MAST2: variants seen among roughly 807,000 people sequenced by gnomAD.
The protein encoded by MAST2 is microtubule associated serine/threonine kinase 2, also known as microtubule-associated serine/threonine-protein kinase 2.
MAST2 carries 70 observed loss-of-function variants against 147.4 expected under a neutral mutation model. That is an observed-to-expected ratio of 0.47 (90% confidence interval 0.39 to 0.58). The LOEUF is 0.58. Among genes scored for constraint, MAST2 ranks in the 20% least tolerant of loss-of-function variants. The pLI is 0.00. For missense variants in MAST2, 2,080 were observed against 2,302.3 expected (o/e 0.90, Z 1.98); for synonymous variants, 869 against 896.8 (o/e 0.97, Z 0.55).
intron 3 of MAST2, among the ~76,000 whole-genome samples, chr1:45,875,075 T>A (rs1193819179): frequency 3.3e-5 from 5 of 152,210 alleles, no homozygotes; most frequent in African/African-American, 9.6e-5. Flanking sequence ...CAGAGCCAAG[T>A]AGTGCCCTGT....
Position 46,035,926 on chromosome 1 carries a change from A to G in MAST2, c.5257A>G (p.Arg1753Gly), listed in dbSNP as rs748226151. Residue 1753 changes from arginine (R) to glycine (G), a missense_variant, in exon 29 of 29, where the codon AGA becomes GGA. Arg to Gly is a moderately radical substitution (Grantham distance 125). Transcript: ENST00000361297. This position sits in a 1 kb window ranked among gnomAD's most constrained non-coding sequence, Gnocchi z 5.5. ...CCAAGTGCCTGATGCCTCAGGTGACAGAAGGCAGGACGTTCCATGCCGAGG... is the reference window on the plus strand; with the variant it reads ...CCAAGTGCCTGATGCCTCAGGTGACGGAAGGCAGGACGTTCCATGCCGAGG... ...ITQVPDASGD[R>G]RQDVPCRGCP... The G allele has an allele frequency of 9.9e-6, 16 of 1,613,986 alleles. No individual in the cohort carries two copies. Among genetic ancestry groups the G allele is most frequent in the East Asian group, 8.9e-5 (4 of 44,892 alleles).
At chr1:45,928,746 AT>A (rs1654806788) in intron 4 of MAST2, among the ~76,000 whole-genome samples, 1 of 151,168 alleles carries the variant, frequency 6.6e-6, no homozygotes, top group South Asian at 2.1e-4. Context: ...AGCCTGGCTA[AT>A]TTTTTCTATT....
rs552704988 is a variant in MAST2 at position 46,002,261 on chromosome 1, C to T, written c.669-544C>T. Among the ~76,000 whole-genome samples the T allele has an allele frequency of 3.9e-5, 6 of 152,308 alleles. No homozygotes were observed. The South Asian group carries it at 1.2e-3, about 32-fold the overall frequency. On this transcript the variant is annotated intron_variant, in intron 6 of 28. Coordinates refer to ENST00000361297, the MANE Select transcript of MAST2 (RefSeq NM_015112.3). ...AAAGTTACTGTCACTCTTCGACAGACATTCCCAAATATTGGTTTTATGAGT... is the reference window on the plus strand; with the variant it reads ...AAAGTTACTGTCACTCTTCGACAGATATTCCCAAATATTGGTTTTATGAGT...
At chr1:46,024,850 T>C (rs556119618) in intron 15 of MAST2, among the ~76,000 whole-genome samples, 95 of 152,356 alleles carry the variant, frequency 6.2e-4, no homozygotes, top group Middle Eastern at 6.8e-3. Context: ...CTGTGTATTT[T>C]CATGCTGCTA....
intron 3 of MAST2, among the ~76,000 whole-genome samples, chr1:45,853,372 T>C (rs1384943907): frequency 1.3e-5 from 2 of 152,172 alleles, no homozygotes; most frequent in African/African-American, 4.8e-5. Flanking sequence ...TTATTGTTTT[T>C]TTTTGAGTCA....
chr1:45,915,296 A>G (rs1325797887), intron 4 of MAST2, among the ~76,000 whole-genome samples: 1 of 152,020 alleles, frequency 6.6e-6, no homozygotes, highest in Admixed American at 6.6e-5. Flanking sequence ...TTAGAAAAAT[A>G]CCCCCTGAGG....
At chr1:45,828,579 G>A (rs893812146) in intron 2 of MAST2, among the ~76,000 whole-genome samples, 1 of 152,234 alleles carries the variant, frequency 6.6e-6, no homozygotes, top group African/African-American at 2.4e-5. Context: ...AAGCAAAAGT[G>A]TGAAGAATGG....
intron 1 of MAST2, 113 bp downstream of exon 1, chr1:45,804,185 G>A: frequency 2.5e-6 from 3 of 1,213,530 alleles, no homozygotes; most frequent in African/African-American, 1.6e-5. Flanking sequence ...TGAGTAGTTC[G>A]CGGGGAGGAG....
At chr1:45,980,659 C>T (rs1037257299) in intron 5 of MAST2, among the ~76,000 whole-genome samples, 4 of 151,830 alleles carry the variant, frequency 2.6e-5, no homozygotes, top group African/African-American at 9.7e-5. Context: ...CTCAGCCTCC[C>T]GATTATCTGT....
Position 46,035,395 on chromosome 1 carries a change from C to T in MAST2, c.4726C>T (p.Pro1576Ser), listed in dbSNP as rs747005667. 6.2e-7 allele frequency: 1 copy of T among 1,612,374 alleles called. No individual in the cohort carries two copies. The highest frequency in any genetic ancestry group is 8.5e-7 in the Non-Finnish European group (1 of 1,179,402). Residue 1576 changes from proline (P) to serine (S), a missense_variant, in exon 29 of 29, where the codon CCC becomes TCC. Physicochemically the swap from Pro to Ser is moderately conservative, Grantham distance 74. This residue lies in a region of MAST2 where 1,278 missense variants were observed against 1,304.2 expected (regional missense o/e 0.98). Coordinates refer to ENST00000361297, the MANE Select transcript of MAST2 (RefSeq NM_015112.3). The surrounding 1 kb of genome is among the most constrained non-coding windows in gnomAD (Gnocchi z 5.5). Reference sequence around the variant, plus strand: ...ACTGGGGCCTCCCAGAATGGAAAGTCCCAGTGGTCCCCACAGGAGGCTCGG... The same window carrying T: ...ACTGGGGCCTCCCAGAATGGAAAGTTCCAGTGGTCCCCACAGGAGGCTCGG... ...ITLGPPRMES[P>S]SGPHRRLGSP...
rs71587722 is a variant in MAST2 at position 45,888,663 on chromosome 1, C to CTTTTTTTTTTTTTTTTTTTTT, written c.500+6284_500+6304dup. The stretch of plus-strand genomic sequence containing the variant: ...AGGCGTGAGCCACCGCGCGCGGCCT[C>CTTTTTTTTTTTTTTTTTTTTT]TTTTTTTTTTTTTTTTTTTTTTTTT... On this transcript the variant is annotated intron_variant, in intron 4 of 28. Transcript: ENST00000361297. Among the ~76,000 whole-genome samples, 18 of 48,722 alleles carry CTTTTTTTTTTTTTTTTTTTTT rather than the reference C, an allele frequency of 3.7e-4. 1 individual carries two copies. Among genetic ancestry groups the CTTTTTTTTTTTTTTTTTTTTT allele is most frequent in the East Asian group, 5.9e-4 (1 of 1,708 alleles). The allele number at this position is 48,722 out of a possible 152,430, so 32.0% of individuals were successfully genotyped here.
chr1:45,931,943 G>A (rs1026654776), intron 4 of MAST2, among the ~76,000 whole-genome samples: 5 of 151,992 alleles, frequency 3.3e-5, no homozygotes, highest in South Asian at 2.1e-4. Context: ...CTCCTGCCTC[G>A]GCCTCCCAAA....
chr1:45,946,552 C>G (rs989803160), intron 4 of MAST2, among the ~76,000 whole-genome samples: 2 of 152,102 alleles, frequency 1.3e-5, no homozygotes, highest in Non-Finnish European at 2.9e-5. Context: ...GTATTTGTTT[C>G]TTTTCCCTGT....
chr1:45,929,354 C>T (rs961852006), intron 4 of MAST2, among the ~76,000 whole-genome samples: 1 of 152,128 alleles, frequency 6.6e-6, no homozygotes, highest in African/African-American at 2.4e-5. Context: ...ATTACTGCTT[C>T]GTTGTGAAGA....
chr1:46,035,350 A>G lies in MAST2; in HGVS notation c.4681A>G (p.Ser1561Gly). The change falls in exon 29 of 29, where the codon AGC becomes GGC. Residue 1561 changes from serine (S) to glycine (G), a missense_variant. This residue lies in a region of MAST2 where 1,278 missense variants were observed against 1,304.2 expected (regional missense o/e 0.98). Transcript: ENST00000361297. The surrounding 1 kb of genome is among the most constrained non-coding windows in gnomAD (Gnocchi z 5.5). The part of the protein sequence containing the change: ...DPRSLGPMVP[S>G]LLTGITLGPP... ...TAGGAGCCTGGGCCCAATGGTCCCAAGCCTATTGACAGGGATCACACTGGG... is the reference window on the plus strand; with the variant it reads ...TAGGAGCCTGGGCCCAATGGTCCCAGGCCTATTGACAGGGATCACACTGGG... The G allele has an allele frequency of 6.2e-7, 1 of 1,613,708 alleles. No homozygotes were observed. The highest frequency in any genetic ancestry group is 8.5e-7 in the Non-Finnish European group (1 of 1,179,860).
intron 3 of MAST2, among the ~76,000 whole-genome samples, chr1:45,872,917 CT>C (rs1348758710): frequency 6.6e-6 from 1 of 152,102 alleles, no homozygotes; most frequent in African/African-American, 2.4e-5. Flanking sequence ...AGTTTAATAT[CT>C]TTTATTTTGT....
chr1:45,846,947 A>G (rs1645458088), intron 3 of MAST2: 1 of 244,612 alleles, frequency 4.1e-6, no homozygotes, highest in Non-Finnish European at 8.4e-6. Context: ...AATGAATATA[A>G]TTTGAAGCTC....
At chr1:45,875,254 T>G (rs976624239) in intron 3 of MAST2, among the ~76,000 whole-genome samples, 4 of 152,172 alleles carry the variant, frequency 2.6e-5, no homozygotes, top group African/African-American at 9.6e-5. Context: ...GAGACCAGCC[T>G]TACCAACATG....
intron 5 of MAST2, among the ~76,000 whole-genome samples, chr1:45,985,247 TTG>T (rs564482810): frequency 3.3e-5 from 5 of 151,528 alleles, no homozygotes; most frequent in East Asian, 1.9e-4. Flanking sequence ...CTGCTAATTT[TTG>T]TGTGTGTGTG....
Sources: gnomAD v4.1 joint callset for allele counts (sites outside exome capture counted in the v4.1 genomes callset) on GRCh38, gnomAD v4.1.1 for gene constraint, gnomAD v4.1.1 regional missense constraint, Gnocchi (gnomAD v3.1) non-coding constraint, MANE v1.5 for transcripts, NCBI Gene and HGNC (gene_info 2026-07-23, HGNC 2026-07-21) for gene names.